The following STXBP5L variants were observed in gnomAD, a reference collection of about 807,000 sequenced individuals.
STXBP5L encodes the protein syntaxin-binding protein 5-like.
STXBP5L carries 65 observed loss-of-function variants against 144.5 expected under a neutral mutation model. The observed-to-expected ratio is 0.45, with a 90% confidence interval of 0.37 to 0.55. STXBP5L has a LOEUF of 0.55. STXBP5L is among the 20% of genes least tolerant of loss of function. The probability of loss-of-function intolerance (pLI) is 0.00; values close to 1 mark genes in which losing one functional copy is unlikely to be tolerated. For synonymous variants in STXBP5L, 505 were observed against 469.6 expected, an observed-to-expected ratio of 1.08 and a Z score of -0.97; for missense variants, 1,298 against 1,405.5, an observed-to-expected ratio of 0.92 and a Z score of 1.22.
intron 22 of STXBP5L, among the ~76,000 whole-genome samples, chr3:121,386,212 G>T (rs1401972159): frequency 1.3e-5 from 2 of 151,964 alleles, no homozygotes; most frequent in East Asian, 1.9e-4. Flanking sequence ...CCCATTTATA[G>T]GTTTCAATAT....
intron 5 of STXBP5L, among the ~76,000 whole-genome samples, chr3:121,113,638 C>T (rs1206880151): frequency 2.6e-5 from 4 of 151,134 alleles, no homozygotes; most frequent in African/African-American, 9.7e-5. Context: ...AAATTGGACA[C>T]ACTGGATGTT....
At chr3:121,037,440 G>A (rs915469371) in intron 3 of STXBP5L, among the ~76,000 whole-genome samples, 6 of 151,860 alleles carry the variant, frequency 4.0e-5, no homozygotes, top group African/African-American at 1.5e-4. Flanking sequence ...AAGTTTTGTA[G>A]AGATGAGATC....
Position 121,420,366 on chromosome 3 carries a change from A to T in STXBP5L, c.*1269A>T, listed in dbSNP as rs1049624085. Reference sequence around the variant, plus strand: ...ATCATTATAGACAATAGAAATACATAAAGAGTTTAATGATACAAAATCAAT... The same window carrying T: ...ATCATTATAGACAATAGAAATACATTAAGAGTTTAATGATACAAAATCAAT... On this transcript the variant is annotated 3_prime_UTR_variant, in exon 27 of 27. Coordinates refer to ENST00000471454, the MANE Select transcript of STXBP5L (RefSeq NM_001308330.2). The T allele has an allele frequency of 2.0e-5, 3 of 149,386 alleles. No individual in the cohort carries two copies. The highest frequency in any genetic ancestry group is 3.0e-5 in the Non-Finnish European group (2 of 66,442). 9.3% of individuals were successfully genotyped at this position (149,386 alleles called of 1,614,324 possible).
chr3:120,979,803 G>C (rs573994817), intron 3 of STXBP5L, among the ~76,000 whole-genome samples: 30 of 152,232 alleles, frequency 2.0e-4, no homozygotes, highest in Middle Eastern at 3.4e-3. Context: ...TGTTCTTGAG[G>C]TGTGACTGTA....
rs186590757 is a variant in STXBP5L at position 121,254,960 on chromosome 3, G to A, written c.1507G>A (p.Gly503Arg). ...GTTTGAAAAACAGAAGGTAGGAGAA[G>A]GAAAACAAACATGTGAAATTGTAGA... ...KVFEKQKVGE[G>R]KQTCEIVEED... Residue 503 changes from glycine to arginine, a missense_variant, in exon 16 of 27, where the codon GGA becomes AGA. Transcript: ENST00000471454. The A allele has an allele frequency of 5.5e-5, 89 of 1,613,392 alleles. No individual in the cohort carries two copies. In the East Asian group the frequency reaches 1.8e-3, roughly 32 times the overall value.
intron 3 of STXBP5L, among the ~76,000 whole-genome samples, chr3:121,006,685 G>C (rs1040059056): frequency 3.3e-5 from 5 of 152,136 alleles, no homozygotes; most frequent in Admixed American, 2.0e-4. Flanking sequence ...GCAGTGGCTG[G>C]TGCCAGTTTT....
chr3:121,307,693 C>T (rs1368453378), intron 19 of STXBP5L, among the ~76,000 whole-genome samples: 1 of 151,760 alleles, frequency 6.6e-6, no homozygotes, highest in Non-Finnish European at 1.5e-5. Context: ...CAATTAAGTG[C>T]ACCAACATAT....
chr3:120,979,607 G>A (rs956631274), intron 3 of STXBP5L, among the ~76,000 whole-genome samples: 9 of 152,142 alleles, frequency 5.9e-5, no homozygotes, highest in Non-Finnish European at 1.3e-4. Flanking sequence ...CGGTACCTCC[G>A]ATGGAAATGC....
chr3:121,374,038 C>T (rs1206509372), intron 20 of STXBP5L, among the ~76,000 whole-genome samples: 1 of 152,158 alleles, frequency 6.6e-6, no homozygotes, highest in Non-Finnish European at 1.5e-5. Context: ...CCCCAGGGAA[C>T]CAAGAACTGG....
chr3:121,087,410 C>G (rs143148387), intron 5 of STXBP5L, among the ~76,000 whole-genome samples: 1 of 151,888 alleles, frequency 6.6e-6, no homozygotes, highest in Non-Finnish European at 1.5e-5. Flanking sequence ...GTAGAGTGAC[C>G]ATTTTATTAT....
At chr3:121,376,082 A>T (rs577213117) in intron 20 of STXBP5L, among the ~76,000 whole-genome samples, 2 of 152,350 alleles carry the variant, frequency 1.3e-5, no homozygotes, top group South Asian at 4.1e-4. Context: ...AACAAGACCG[A>T]CAATCGTAAT....
intron 3 of STXBP5L, among the ~76,000 whole-genome samples, chr3:120,981,777 G>T (rs1026443623): frequency 2.6e-5 from 4 of 152,096 alleles, no homozygotes; most frequent in Admixed American, 1.3e-4. Flanking sequence ...TCTTATGCTG[G>T]TTCCCTCTCA....
chr3:121,303,443 G>C (rs561209408), intron 19 of STXBP5L, among the ~76,000 whole-genome samples: 1 of 152,274 alleles, frequency 6.6e-6, no homozygotes, highest in East Asian at 1.9e-4. Flanking sequence ...CTGTAAACTA[G>C]TTCAACCACT....
rs2043346300 is a variant in STXBP5L, at chr3:121,306,630, G to A, written c.2111-11845G>A. Among the ~76,000 whole-genome samples the A allele has an allele frequency of 3.3e-5, 5 of 152,234 alleles. No homozygotes were observed. In the South Asian group the frequency reaches 1.0e-3, roughly 32 times the overall value. ...TATGAAACAGTGTGGGAAAGTTCAAGCCTAAGTGTGCTCTCAAGACCAATG... is the reference window on the plus strand; with the variant it reads ...TATGAAACAGTGTGGGAAAGTTCAAACCTAAGTGTGCTCTCAAGACCAATG... On this transcript the variant is annotated intron_variant, in intron 19 of 26. Transcript: ENST00000471454.
At chr3:120,938,278 G>C (rs1053942278) in intron 2 of STXBP5L, among the ~76,000 whole-genome samples, 1 of 151,398 alleles carries the variant, frequency 6.6e-6, no homozygotes, top group Non-Finnish European at 1.5e-5. Flanking sequence ...TTTTATATAT[G>C]GTTAAGTGGT....
intron 19 of STXBP5L, among the ~76,000 whole-genome samples, chr3:121,311,001 C>A (rs2108511313): frequency 6.6e-6 from 1 of 152,046 alleles, no homozygotes; most frequent in East Asian, 1.9e-4. Flanking sequence ...ATAATTCTTA[C>A]CTAAAACATA....
At chr3:121,167,390 A>G (rs2046537880) in intron 9 of STXBP5L, among the ~76,000 whole-genome samples, 2 of 152,216 alleles carry the variant, frequency 1.3e-5, no homozygotes, top group Admixed American at 6.5e-5. Flanking sequence ...GAAAATAAAG[A>G]TATTTTAGCT....
chr3:121,060,238 TTC>T (rs2107626761), intron 5 of STXBP5L, among the ~76,000 whole-genome samples: 1 of 152,302 alleles, frequency 6.6e-6, no homozygotes, highest in Admixed American at 6.5e-5. Context: ...ATCATGTGGT[TTC>T]TGTCATTTTT....
chr3:121,379,156 C>A (rs1345797510), intron 21 of STXBP5L, among the ~76,000 whole-genome samples: 1 of 152,108 alleles, frequency 6.6e-6, no homozygotes, highest in Admixed American at 6.6e-5. Flanking sequence ...AATCTGTTCC[C>A]TACCCTTCCC....
Sources: allele counts gnomAD v4.1 joint callset (sites outside exome capture counted in the v4.1 genomes callset), GRCh38; gene constraint gnomAD v4.1.1; transcripts MANE v1.5; gene names NCBI Gene and HGNC (gene_info 2026-07-23, HGNC 2026-07-21).